RYR2: variants seen among roughly 807,000 people sequenced by gnomAD.
RYR2 encodes cardiac muscle ryanodine receptor-calcium release channel.
RYR2 carries 227 observed loss-of-function variants against 601.1 expected under a neutral mutation model. The observed-to-expected ratio is 0.38, with a 90% CI of 0.34 to 0.42. The LOEUF (loss-of-function observed/expected upper bound fraction) is 0.42, where lower values mean the gene tolerates loss of function less well. Ranked by LOEUF, RYR2 falls within the 10% of genes least tolerant of loss-of-function variation. RYR2 has a pLI of 1.00. For missense variants in RYR2, 4,646 were observed against 6,156.5 expected (o/e 0.75, Z 8.21); for synonymous variants, 2,223 against 2,175.1 (o/e 1.02, Z -0.61).
intron 7 of RYR2, among the ~76,000 whole-genome samples, chr1:237,375,564 T>C (rs1700960310): frequency 6.6e-6 from 1 of 152,184 alleles, no homozygotes; most frequent in South Asian, 2.1e-4. Flanking sequence ...TTTACCCATA[T>C]TTACTAAATC....
In RYR2 at chr1:237,614,371, T is replaced by A; in HGVS notation, c.5243T>A (p.Leu1748His). The A allele has an allele frequency of 6.2e-7, 1 of 1,613,892 alleles. No individual in the cohort carries two copies. Among genetic ancestry groups the A allele is most frequent in the Non-Finnish European group, 8.5e-7 (1 of 1,179,802 alleles). Reference sequence around the variant, plus strand: ...CCTGATGAGAACAAAAAACACGGCCTTCCAGGGATCGGCCTCAGCACCTCC... The same window carrying A: ...CCTGATGAGAACAAAAAACACGGCCATCCAGGGATCGGCCTCAGCACCTCC... ...LFPDENKKHG[L>H]PGIGLSTSLR... The change falls in exon 37 of 105, where the codon CTT (leucine) becomes CAT (histidine). Residue 1748 changes from leucine to histidine, a missense_variant. Physicochemically the swap from Leu to His is moderately conservative, Grantham distance 99. Around this residue, in one of 17 missense-constraint regions of RYR2, gnomAD observed 1,807 missense variants for 2,088.1 expected, o/e 0.87. Transcript: ENST00000366574. This position sits in a 1 kb window ranked among gnomAD's most constrained non-coding sequence, Gnocchi z 4.3.
intron 1 of RYR2, among the ~76,000 whole-genome samples, chr1:237,128,774 G>T (rs1431545839): frequency 6.6e-6 from 1 of 152,170 alleles, no homozygotes; most frequent in Non-Finnish European, 1.5e-5. Context: ...AGCTGTTGCA[G>T]TGATCCAGGG....
chr1:237,634,904 G>A lies in RYR2; in HGVS notation c.6704G>A (p.Arg2235Lys). 6.2e-7 allele frequency: 1 copy of A among 1,608,322 alleles called. No homozygotes were observed. Among genetic ancestry groups the A allele is most frequent in the Non-Finnish European group, 8.5e-7 (1 of 1,177,348 alleles). ...SSVGLASPAMRGSTPLDVAAA... is the reference protein window; with the variant it reads ...SSVGLASPAMKGSTPLDVAAA... ...GAATTAATAGCCTCCCCAGCTATGA[G>A]AGGTTCAACACCACTGGATGTGGCT... Residue 2235 changes from arginine to lysine, a missense_variant, in exon 44 of 105, where the codon AGA (arginine) becomes AAA (lysine). Coordinates refer to ENST00000366574, the MANE Select transcript of RYR2 (RefSeq NM_001035.3).
Position 237,610,824 on chromosome 1 carries a change from C to T in RYR2, c.4746C>T (p.Cys1582=), listed in dbSNP as rs756725225. The stretch of plus-strand genomic sequence containing the variant: ...AGCACAAGAACCCCGTGCCGCAGTG[C>T]CCCCCGCGCCTCCACGTGCAGTTCC... The part of the protein sequence containing the change: ...KSEHKNPVPQ[C]PPRLHVQFLS... The change falls in exon 36 of 105, where the codon TGC becomes TGT. Residue 1582 remains cysteine, a synonymous_variant. Transcript: ENST00000366574. The surrounding 1 kb of genome is among the most constrained non-coding windows in gnomAD (Gnocchi z 4.9). 1.9e-6 allele frequency: 3 copies of T among 1,611,682 alleles called. No individual in the cohort carries two copies. Among genetic ancestry groups the T allele is most frequent in the East Asian group, 2.2e-5 (1 of 44,756 alleles).
At chr1:237,452,890 T>C (rs1658371819) in intron 14 of RYR2, among the ~76,000 whole-genome samples, 1 of 151,942 alleles carries the variant, frequency 6.6e-6, no homozygotes, top group Non-Finnish European at 1.5e-5. Context: ...TTGGACAACA[T>C]TTCTTCTGAC....
intron 4 of RYR2, among the ~76,000 whole-genome samples, chr1:237,360,023 A>G (rs1174762232): frequency 5.9e-5 from 9 of 152,222 alleles, no homozygotes; most frequent in Non-Finnish European, 7.3e-5. Flanking sequence ...CTTAAAAAAT[A>G]TGATGATGCT....
At position 237,705,355 on chromosome 1, in the gene RYR2, A is replaced by C. The variant is rs1392639206; in HGVS notation, c.9580+12A>C. The C allele has an allele frequency of 3.1e-6, 5 of 1,598,078 alleles. No individual in the cohort carries two copies. In the Admixed American group the frequency reaches 8.6e-5, roughly 27 times the overall value. On this transcript the variant is annotated intron_variant, in intron 67 of 104. Coordinates refer to ENST00000366574, the MANE Select transcript of RYR2 (RefSeq NM_001035.3). ...ACGAGAAAGAGCAGGTAACACAGAA[A>C]CATGTGCAGTGCTTTGAGATATGAA...
intron 91 of RYR2, among the ~76,000 whole-genome samples, chr1:237,787,452 C>T (rs112491683): frequency 0.01 from 1,534 of 151,950 alleles, 17 homozygotes; most frequent in African/African-American, 0.036. Flanking sequence ...GTTAGCTGGG[C>T]ATGGTGTCAC....
At chr1:237,633,517 A>G (rs1300618278) in intron 42 of RYR2, 61 bp from the exon 43 acceptor site, 2 of 1,603,788 alleles carry the variant, frequency 1.2e-6, no homozygotes, top group African/African-American at 2.7e-5. Context: ...ACCTCAACGT[A>G]TGAACTCAAT....
intron 1 of RYR2, among the ~76,000 whole-genome samples, chr1:237,262,342 G>A (rs372891605): frequency 2.3e-5 from 3 of 132,244 alleles, no homozygotes; most frequent in South Asian, 5.1e-4. Context: ...TGCAACCTCC[G>A]CCTCCCAGGT....
intron 12 of RYR2, among the ~76,000 whole-genome samples, chr1:237,430,995 A>G (rs1706752714): frequency 6.6e-6 from 1 of 152,158 alleles, no homozygotes; most frequent in African/African-American, 2.4e-5. Context: ...GAAGAGCCCA[A>G]CTCAACTCTT....
intron 5 of RYR2, among the ~76,000 whole-genome samples, chr1:237,365,752 C>T (rs1700139716): frequency 6.6e-6 from 1 of 152,134 alleles, no homozygotes; most frequent in South Asian, 2.1e-4. Context: ...TTCAACTGTA[C>T]AATATTGTAT....
At chr1:237,727,351 G>C (rs909741687) in intron 76 of RYR2, among the ~76,000 whole-genome samples, 152 bp downstream of exon 76, 1 of 152,120 alleles carries the variant, frequency 6.6e-6, no homozygotes, top group Non-Finnish European at 1.5e-5. Context: ...GACTAATTTT[G>C]TTGGATATTT....
chr1:237,558,253 C>A (rs1028212516), intron 27 of RYR2, among the ~76,000 whole-genome samples: 1 of 152,118 alleles, frequency 6.6e-6, no homozygotes, highest in East Asian at 1.9e-4. Flanking sequence ...AAGCTGAGGG[C>A]AGTCTACTGT....
At chr1:237,622,284 G>A (rs541497755) in intron 38 of RYR2, among the ~76,000 whole-genome samples, 148 of 152,222 alleles carry the variant, frequency 9.7e-4, no homozygotes, top group African/African-American at 3.5e-3. Context: ...TTAGCAGCGC[G>A]TAGTTATCCC....
intron 23 of RYR2, 58 bp from the exon 24 acceptor site, chr1:237,511,630 C>G: frequency 1.5e-6 from 2 of 1,306,824 alleles, no homozygotes; most frequent in South Asian, 1.3e-5. Context: ...CAGTTGAATT[C>G]CATTGCTAGT....
At chr1:237,709,124 TTC>T (rs774599228) in intron 69 of RYR2, 26 bp downstream of exon 69, 2 of 1,529,012 alleles carry the variant, frequency 1.3e-6, no homozygotes, top group South Asian at 2.6e-5. Context: ...ATTTAGTAAT[TTC>T]TCCAATTCGG....
At chr1:237,223,000 C>T (rs773538721) in intron 1 of RYR2, among the ~76,000 whole-genome samples, 36 of 152,062 alleles carry the variant, frequency 2.4e-4, no homozygotes, top group African/African-American at 7.5e-4. Flanking sequence ...ACCCAGGAGG[C>T]GGAGGTTGCG....
intron 17 of RYR2, among the ~76,000 whole-genome samples, chr1:237,475,836 A>C (rs6657946): frequency 0.79 from 119,671 of 152,136 alleles, 47,231 homozygotes; most frequent in East Asian, 0.93. Flanking sequence ...CTCTGAATTC[A>C]TTTGGGGAAT....
Sources: allele counts gnomAD v4.1 joint callset (sites outside exome capture counted in the v4.1 genomes callset), GRCh38; gene constraint gnomAD v4.1.1; regional missense constraint gnomAD v4.1.1; non-coding constraint Gnocchi (gnomAD v3.1); transcripts MANE v1.5; gene names NCBI Gene and HGNC (gene_info 2026-07-23, HGNC 2026-07-21).